Variants in STK3 observed in about 807,000 individuals in gnomAD.
STK3 encodes the protein serine/threonine kinase 3.
A neutral mutation model predicts 58.0 loss-of-function variants in STK3; 41 were observed. That is an observed-to-expected ratio of 0.71 (90% confidence interval 0.55 to 0.92). The LOEUF (loss-of-function observed/expected upper bound fraction) is 0.92. STK3 is among the 40% of genes least tolerant of loss of function. The probability of loss-of-function intolerance (pLI) is 0.00; values close to 1 mark genes in which losing one functional copy is unlikely to be tolerated. For synonymous variants in STK3, 170 were observed against 191.0 expected (o/e 0.89, Z 0.91); for missense variants, 479 against 602.7 (o/e 0.79, Z 2.15).
intron 1 of STK3, among the ~76,000 whole-genome samples, chr8:98,775,725 T>C (rs796800137): frequency 5.9e-5 from 9 of 152,126 alleles, no homozygotes; most frequent in Admixed American, 4.6e-4. Context: ...GAAGGATAAA[T>C]TGTTGAAGTT....
At chr8:98,407,232 G>C (rs576922262) in intron 3 of STK3, among the ~76,000 whole-genome samples, 5 of 152,254 alleles carry the variant, frequency 3.3e-5, no homozygotes, top group Non-Finnish European at 7.3e-5. Flanking sequence ...TGATGGCAAA[G>C]GTTGTCGCCC....
intron 1 of STK3, among the ~76,000 whole-genome samples, chr8:98,776,846 C>A (rs535242305): frequency 1.3e-4 from 20 of 151,218 alleles, no homozygotes; most frequent in African/African-American, 4.6e-4. Flanking sequence ...GTCAGGAGAC[C>A]GAGACCATCC....
chr8:98,359,860 C>A, the STK3 span, among the ~76,000 whole-genome samples: 3 of 152,264 alleles, frequency 2.0e-5, no homozygotes, highest in African/African-American at 7.2e-5. Flanking sequence ...ATTCTGAAAC[C>A]CTGTAGCTCC....
chr8:98,838,010 C>A (rs1467975235), intron 3 of STK3, among the ~76,000 whole-genome samples: 1 of 145,194 alleles, frequency 6.9e-6, no homozygotes, highest in Non-Finnish European at 1.5e-5. Context: ...GGGTGGATCA[C>A]TTGAGGTTAG....
intron 8 of STK3, among the ~76,000 whole-genome samples, chr8:98,567,086 A>C (rs968490278): frequency 5.3e-5 from 8 of 152,234 alleles, no homozygotes; most frequent in Admixed American, 5.2e-4. Flanking sequence ...ACAGATACAC[A>C]TGTTAAGTCA....
chr8:98,416,093 G>C (rs888652017), intron 3 of STK3, among the ~76,000 whole-genome samples: 1 of 152,124 alleles, frequency 6.6e-6, no homozygotes, highest in Non-Finnish European at 1.5e-5. Context: ...ACACAAGCTG[G>C]GCCATTCAAT....
chr8:98,739,957 T>G (rs1001790160), intron 4 of STK3, among the ~76,000 whole-genome samples: 4 of 151,846 alleles, frequency 2.6e-5, no homozygotes, highest in African/African-American at 7.3e-5. Context: ...TGCAGAAGCC[T>G]CAGGAGCCGA....
At chr8:98,866,234 G>T (rs1837139819) in intron 3 of STK3, among the ~76,000 whole-genome samples, 2 of 152,184 alleles carry the variant, frequency 1.3e-5, no homozygotes, top group Admixed American at 1.3e-4. Flanking sequence ...ATTTTGCAGG[G>T]TCAGTAGTGG....
intron 10 of STK3, among the ~76,000 whole-genome samples, chr8:98,485,241 CA>C (rs34109020): frequency 0.058 from 8,587 of 146,960 alleles, 329 homozygotes; most frequent in South Asian, 0.2. Context: ...AACTGCGTCT[CA>C]AAAAAAAAAA....
At chr8:98,788,351 C>T (rs1028104186) in intron 1 of STK3, among the ~76,000 whole-genome samples, 4 of 151,810 alleles carry the variant, frequency 2.6e-5, no homozygotes, top group African/African-American at 9.7e-5. Flanking sequence ...GACAGGAGAA[C>T]TGCTTGAACC....
intron 1 of STK3, among the ~76,000 whole-genome samples, chr8:98,936,713 T>C (rs1192579016): frequency 2.6e-5 from 4 of 152,236 alleles, no homozygotes; most frequent in Non-Finnish European, 1.5e-5. Context: ...GGCATTTGGA[T>C]GTGTGCCTCA....
intron 1 of STK3, among the ~76,000 whole-genome samples, chr8:98,899,419 T>C (rs1838575567): frequency 6.6e-6 from 1 of 152,258 alleles, no homozygotes; most frequent in South Asian, 2.1e-4. Context: ...AAAAAAATTG[T>C]ATCTATACTG....
At chr8:98,858,309 T>TAGAG (rs1564065758) in intron 3 of STK3, among the ~76,000 whole-genome samples, 1 of 70,916 alleles carries the variant, frequency 1.4e-5, no homozygotes, top group African/African-American at 5.3e-5. Context: ...TATATATATA[T>TAGAG]ATATATATAT....
At chr8:98,561,368 C>CA (rs1160873721) in intron 8 of STK3, among the ~76,000 whole-genome samples, 1 of 150,220 alleles carries the variant, frequency 6.7e-6, no homozygotes, top group Non-Finnish European at 1.5e-5. Context: ...CAAAATGCTT[C>CA]AAAGACCCAT....
In STK3 at chr8:98,584,880, A is replaced by G. The variant is rs1230477625; in HGVS notation, c.823-5091T>C. Reference sequence around the variant, plus strand: ...ATGAGCATTTTTTCATGTGTTTTTTAGCTGCATAAATGTCTTCTTTTGAGA... The same window carrying G: ...ATGAGCATTTTTTCATGTGTTTTTTGGCTGCATAAATGTCTTCTTTTGAGA... On this transcript the variant is annotated intron_variant, in intron 7 of 10. Transcript: ENST00000419617. 1.2e-4 allele frequency among the ~76,000 whole-genome samples: 18 copies of G among 151,362 alleles called. No individual in the cohort carries two copies. The East Asian group carries it at 1.7e-3, about 15-fold the overall frequency.
chr8:98,391,025 C>A (rs1817844091), upstream of STK3, among the ~76,000 whole-genome samples: 1 of 152,208 alleles, frequency 6.6e-6, no homozygotes, highest in African/African-American at 2.4e-5. Flanking sequence ...TCTGTGTCAT[C>A]TAAGCATTGG....
intron 1 of STK3, among the ~76,000 whole-genome samples, chr8:98,798,349 G>T (rs566387002): frequency 3.3e-5 from 5 of 152,162 alleles, no homozygotes; most frequent in African/African-American, 1.2e-4. Context: ...TCCTGACTTG[G>T]CAAACACAAT....
chr8:98,472,965 C>T (rs1441774803), intron 10 of STK3, among the ~76,000 whole-genome samples: 1 of 151,954 alleles, frequency 6.6e-6, no homozygotes, highest in African/African-American at 2.4e-5. Flanking sequence ...AGATTAAGAT[C>T]AATGATTACA....
chr8:98,795,125 T>C (rs1386813671), intron 1 of STK3, among the ~76,000 whole-genome samples: 1 of 98,880 alleles, frequency 1.0e-5, no homozygotes, highest in African/African-American at 4.1e-5. Context: ...TATATATATA[T>C]ATATACATAC....
Sources: gnomAD v4.1 joint callset for allele counts (sites outside exome capture counted in the v4.1 genomes callset) on GRCh38, gnomAD v4.1.1 for gene constraint, MANE v1.5 for transcripts, NCBI Gene and HGNC (gene_info 2026-07-23, HGNC 2026-07-21) for gene names.